ELF2: variants seen among roughly 807,000 people sequenced by gnomAD.
The protein encoded by ELF2 is E74 like ETS transcription factor 2, also known as ETS-related transcription factor Elf-2.
In ELF2, 11 loss-of-function variants were observed where a neutral mutation model predicts 54.8. The observed-to-expected ratio is 0.20, with a 90% CI of 0.13 to 0.33. The LOEUF (loss-of-function observed/expected upper bound fraction) is 0.33. Among genes scored for constraint, ELF2 ranks in the 10% least tolerant of loss-of-function variants. The pLI is 1.00. For missense variants in ELF2, 513 were observed against 703.0 expected, an observed-to-expected ratio of 0.73 and a Z score of 3.06; for synonymous variants, 203 against 245.1, an observed-to-expected ratio of 0.83 and a Z score of 1.61.
chr4:139,087,400 C>G (rs1420575227), intron 4 of ELF2, among the ~76,000 whole-genome samples: 1 of 152,202 alleles, frequency 6.6e-6, no homozygotes, highest in African/African-American at 2.4e-5. Context: ...CAGGCATGAT[C>G]TGCTGTGCCC....
intron 4 of ELF2, among the ~76,000 whole-genome samples, chr4:139,078,649 A>G (rs1730655685): frequency 6.6e-6 from 1 of 151,730 alleles, no homozygotes; most frequent in Non-Finnish European, 1.5e-5. Context: ...CCAGAAATTA[A>G]GTTTAAATTA....
At chr4:139,174,243 T>A (rs11944435) in intron 1 of ELF2, among the ~76,000 whole-genome samples, 2,533 of 144,656 alleles carry the variant, frequency 0.018, 71 homozygotes, top group African/African-American at 0.057. Flanking sequence ...AAATAGATTT[T>A]AAAAAAAAAA....
intron 3 of ELF2, among the ~76,000 whole-genome samples, chr4:139,136,261 T>TGG (rs1257476664): frequency 6.6e-6 from 1 of 152,190 alleles, no homozygotes; most frequent in Non-Finnish European, 1.5e-5. Context: ...CTTCTCTTAA[T>TGG]GGACTTTGTA....
At chr4:139,065,121 A>G (rs998817632) in intron 7 of ELF2, among the ~76,000 whole-genome samples, 2 of 152,208 alleles carry the variant, frequency 1.3e-5, no homozygotes, top group African/African-American at 4.8e-5. Context: ...TGCCCTGTAC[A>G]TAAGATATCT....
At chr4:139,085,282 ATTGT>A (rs1234260140) in intron 4 of ELF2, among the ~76,000 whole-genome samples, 4 of 152,220 alleles carry the variant, frequency 2.6e-5, no homozygotes, top group African/African-American at 9.6e-5. Flanking sequence ...TAATACATAA[ATTGT>A]TTGAAACAAA....
At chr4:139,081,947 T>C (rs980535635) in intron 4 of ELF2, among the ~76,000 whole-genome samples, 1 of 152,184 alleles carries the variant, frequency 6.6e-6, no homozygotes, top group Admixed American at 6.5e-5. Context: ...TCGTATATAG[T>C]ACAGAAATGC....
intron 1 of ELF2, among the ~76,000 whole-genome samples, chr4:139,143,257 C>A (rs936481311): frequency 6.6e-6 from 1 of 152,086 alleles, no homozygotes; most frequent in Admixed American, 6.6e-5. Flanking sequence ...CTTGTGAGGG[C>A]CATGGTAAGC....
chr4:139,086,816 A>G (rs1732035240), intron 4 of ELF2, among the ~76,000 whole-genome samples: 1 of 152,202 alleles, frequency 6.6e-6, no homozygotes, highest in Admixed American at 6.5e-5. Flanking sequence ...CCACCCAAGG[A>G]TGTTAAATTA....
At chr4:139,084,479 G>T in intron 4 of ELF2, 2 of 1,019,822 alleles carry the variant, frequency 2.0e-6, no homozygotes, top group Non-Finnish European at 1.2e-6. Flanking sequence ...TGTGGCGGCC[G>T]CCGCAGCTGG....
intron 4 of ELF2, among the ~76,000 whole-genome samples, chr4:139,108,016 A>G (rs1432127757): frequency 6.6e-6 from 1 of 152,186 alleles, no homozygotes; most frequent in East Asian, 1.9e-4. Context: ...GAGAATGTGT[A>G]TCTTTAAGGC....
chr4:139,097,796 T>C (rs138621194), intron 4 of ELF2, among the ~76,000 whole-genome samples: 1,745 of 152,260 alleles, frequency 0.011, 35 homozygotes, highest in African/African-American at 0.04. Context: ...AAATATTTTG[T>C]TTGATTTTCT....
chr4:139,057,971 A>G lies in ELF2; in HGVS notation c.*1012T>C, dbSNP rs1490715487. ...TGAATATACAAACTATTATAGTTCA[A>G]AACTGAACACTGGTATTTCCCTCAT... is the stretch of plus-strand genomic sequence containing the variant. On this transcript the variant is annotated 3_prime_UTR_variant, in exon 10 of 10. Transcript: ENST00000686138. 6.6e-6 allele frequency: 1 copy of G among 152,628 alleles called. No homozygotes were observed. Among genetic ancestry groups the G allele is most frequent in the Non-Finnish European group, 1.5e-5 (1 of 68,040 alleles). 9.5% of individuals were successfully genotyped at this position (152,628 alleles called of 1,614,324 possible).
intron 4 of ELF2, among the ~76,000 whole-genome samples, chr4:139,074,691 C>G (rs970595222): frequency 6.7e-6 from 1 of 149,216 alleles, no homozygotes; most frequent in Non-Finnish European, 1.5e-5. Context: ...ACCTGGGAGG[C>G]GGAGGTTGCA....
At chr4:139,089,123 A>T (rs1342381243) in intron 4 of ELF2, among the ~76,000 whole-genome samples, 2 of 152,212 alleles carry the variant, frequency 1.3e-5, no homozygotes, top group East Asian at 1.9e-4. Flanking sequence ...TTTACTTTTT[A>T]AAAAATATAT....
chr4:139,151,088 GAAAGAAAA>G lies in ELF2; in HGVS notation c.-251-11599_-251-11592del, dbSNP rs1157564652. 6.2e-4 allele frequency among the ~76,000 whole-genome samples: 84 copies of G among 135,706 alleles called. 4 individuals are homozygous for G. Among genetic ancestry groups the G allele is most frequent in the Admixed American group, 1.5e-3 (20 of 13,504 alleles). The allele number at this position is 135,706 out of a possible 152,430, so 89.0% of individuals were successfully genotyped here. On this transcript the variant is annotated intron_variant, in intron 1 of 9. Transcript: ENST00000686138. ...AGAAAGAAAGAAAGAAAGAAAGAAA[GAAAGAAAA>G]AGAGAGCTATTTAATAAATTGTGCT...
At chr4:139,149,369 T>C (rs1739614293) in intron 1 of ELF2, among the ~76,000 whole-genome samples, 1 of 152,184 alleles carries the variant, frequency 6.6e-6, no homozygotes, top group Admixed American at 6.5e-5. Context: ...CCCATCACTT[T>C]GGGATGCCGA....
chr4:139,116,069 C>G (rs915830805), intron 4 of ELF2, among the ~76,000 whole-genome samples: 1 of 152,084 alleles, frequency 6.6e-6, no homozygotes, highest in African/African-American at 2.4e-5. Flanking sequence ...GTCTTGGACT[C>G]CTGACCTCGG....
At chr4:139,082,596 A>C (rs1025706529) in intron 4 of ELF2, among the ~76,000 whole-genome samples, 8 of 152,182 alleles carry the variant, frequency 5.3e-5, no homozygotes, top group African/African-American at 1.7e-4. Flanking sequence ...GCTTCCGTTA[A>C]ATTTTGATAC....
At chr4:139,125,860 T>A (rs1295705284) in intron 3 of ELF2, among the ~76,000 whole-genome samples, 1 of 151,588 alleles carries the variant, frequency 6.6e-6, no homozygotes, top group Non-Finnish European at 1.5e-5. Context: ...ACCAATTACA[T>A]GCACTTTTGA....
Sources: allele counts gnomAD v4.1 joint callset (sites outside exome capture counted in the v4.1 genomes callset), GRCh38; gene constraint gnomAD v4.1.1; transcripts MANE v1.5; gene names NCBI Gene and HGNC (gene_info 2026-07-23, HGNC 2026-07-21).